Variants in FAM3C observed in about 807,000 individuals in gnomAD.
The protein encoded by FAM3C is FAM3 metabolism regulating signaling molecule C.
Under a neutral mutation model 32.5 loss-of-function variants are expected in FAM3C, and 15 were observed. That is an observed-to-expected ratio of 0.46 (90% CI 0.31 to 0.71). FAM3C has a LOEUF of 0.71. Ranked by LOEUF, FAM3C falls within the 30% of genes least tolerant of loss-of-function variation. The probability of loss-of-function intolerance (pLI) is 0.05; values close to 1 mark genes in which losing one functional copy is unlikely to be tolerated. For missense variants in FAM3C, 175 were observed against 274.4 expected, an observed-to-expected ratio of 0.64 and a Z score of 2.56; for synonymous variants, 75 against 86.1, an observed-to-expected ratio of 0.87 and a Z score of 0.72.
chr7:121,386,711 A>ATATG (rs1554376234), intron 1 of FAM3C, among the ~76,000 whole-genome samples: 1 of 146,960 alleles, frequency 6.8e-6, no homozygotes, highest in African/African-American at 2.6e-5. Context: ...ATATATATAT[A>ATATG]TGTAATTGGT....
At chr7:121,395,696 A>G (rs1478742954) in intron 1 of FAM3C, among the ~76,000 whole-genome samples, 1 of 152,156 alleles carries the variant, frequency 6.6e-6, no homozygotes, top group Non-Finnish European at 1.5e-5. Context: ...TACCTCTAGT[A>G]TAGGCGACAC....
At chr7:121,373,913 G>A (rs185996769) in intron 3 of FAM3C, among the ~76,000 whole-genome samples, 6 of 150,870 alleles carry the variant, frequency 4.0e-5, no homozygotes, top group Admixed American at 4.0e-4. Context: ...GGAGAATGGC[G>A]TGAACCCGCG....
intron 8 of FAM3C, among the ~76,000 whole-genome samples, chr7:121,358,624 A>G (rs138707535): frequency 1.3e-5 from 2 of 152,202 alleles, no homozygotes; most frequent in East Asian, 3.9e-4. Context: ...AGCCAAATCT[A>G]CATAAGAACA....
intron 1 of FAM3C, 111 bp from the exon 2 acceptor site, chr7:121,383,121 G>T: frequency 7.6e-6 from 4 of 525,610 alleles, no homozygotes; most frequent in African/African-American, 2.0e-5. Flanking sequence ...ACATTTCTAA[G>T]TATTATGCCA....
intron 8 of FAM3C, among the ~76,000 whole-genome samples, chr7:121,354,781 C>T (rs537917383): frequency 5.9e-5 from 9 of 152,138 alleles, no homozygotes; most frequent in East Asian, 1.9e-4. Context: ...ATACAAAGTT[C>T]GGATTAGAAA....
At chr7:121,391,865 C>T (rs981154718) in intron 1 of FAM3C, among the ~76,000 whole-genome samples, 6 of 152,202 alleles carry the variant, frequency 3.9e-5, no homozygotes, top group African/African-American at 1.4e-4. Flanking sequence ...GTGACATCAA[C>T]CTCACTTGAT....
At chr7:121,366,923 G>A (rs1794034795) in intron 5 of FAM3C, among the ~76,000 whole-genome samples, 2 of 152,126 alleles carry the variant, frequency 1.3e-5, no homozygotes, top group African/African-American at 4.8e-5. Flanking sequence ...ACTTTTCCAA[G>A]TAAAGATCAT....
rs184023560 is a variant in FAM3C, at chr7:121,364,955, G to C, written c.273-767C>G. 3.3e-5 allele frequency among the ~76,000 whole-genome samples: 5 copies of C among 152,202 alleles called. No homozygotes were observed. The East Asian group carries it at 9.6e-4, about 29-fold the overall frequency. On this transcript the variant is annotated intron_variant, in intron 5 of 9. Coordinates refer to ENST00000359943, the MANE Select transcript of FAM3C (RefSeq NM_014888.3). ...TCAAGGTAATAGTAATACTCCCAGT[G>C]GTGTGCTGTTAACTATTTAACAACT...
intron 2 of FAM3C, among the ~76,000 whole-genome samples, chr7:121,379,436 T>C (rs1038225258): frequency 2.1e-4 from 32 of 152,016 alleles, no homozygotes; most frequent in African/African-American, 7.3e-4. Flanking sequence ...AAGGCCACAA[T>C]GTCCACTAAG....
intron 3 of FAM3C, among the ~76,000 whole-genome samples, chr7:121,378,528 G>A (rs1042199809): frequency 6.6e-6 from 1 of 152,058 alleles, no homozygotes; most frequent in African/African-American, 2.4e-5. Context: ...GCATTACCGT[G>A]ACTCCTAATC....
chr7:121,386,320 G>A (rs1398009537), intron 1 of FAM3C, among the ~76,000 whole-genome samples: 1 of 152,004 alleles, frequency 6.6e-6, no homozygotes, highest in Non-Finnish European at 1.5e-5. Context: ...CTCAGTGCTG[G>A]ACAAATGACA....
Position 121,362,901 on chromosome 7 carries a change from T to C in FAM3C, c.378A>G (p.Gly126=). Residue 126 remains glycine, a synonymous_variant, in exon 7 of 10, where the codon GGA becomes GGG. Coordinates refer to ENST00000359943, the MANE Select transcript of FAM3C (RefSeq NM_014888.3). The part of the protein sequence containing the change: ...VLDTKYFDMW[G]GDVAPFIEFL... Reference sequence around the variant, plus strand: ...AGTCATGTTATTTATGCTTACCTCCTCCCCACATGTCAAAATATTTAGTGT... The same window carrying C: ...AGTCATGTTATTTATGCTTACCTCCCCCCCACATGTCAAAATATTTAGTGT... The C allele has an allele frequency of 6.5e-7, 1 of 1,538,978 alleles. No homozygotes were observed. Among genetic ancestry groups the C allele is most frequent in the Non-Finnish European group, 9.0e-7 (1 of 1,116,324 alleles).
chr7:121,393,277 G>A (rs1194094699), intron 1 of FAM3C, among the ~76,000 whole-genome samples: 1 of 152,038 alleles, frequency 6.6e-6, no homozygotes, highest in Non-Finnish European at 1.5e-5. Context: ...AAAATAGTAA[G>A]ATCCCGTCTT....
intron 5 of FAM3C, among the ~76,000 whole-genome samples, chr7:121,369,006 C>T (rs1487806303): frequency 2.9e-5 from 4 of 136,342 alleles, no homozygotes; most frequent in South Asian, 2.5e-4. Flanking sequence ...GACAAAGTCT[C>T]GCTCTGCCGC....
chr7:121,363,198 G>T (rs570449994), intron 6 of FAM3C, among the ~76,000 whole-genome samples: 9 of 152,150 alleles, frequency 5.9e-5, no homozygotes, highest in African/African-American at 2.2e-4. Flanking sequence ...TAAGCCGAAG[G>T]ATAAATAGAA....
rs973036257 is a variant in FAM3C, at chr7:121,396,230, G to A, written c.-110C>T. ...CCTCCCAGCGCTCAGTCCTGCCGGA[G>A]GCCGACGGGAGCCGCCGCCTCCAGC... On this transcript the variant is annotated 5_prime_UTR_variant, in exon 1 of 10. Transcript: ENST00000359943. 1 of 152,312 alleles carries A rather than the reference G, an allele frequency of 6.6e-6. No individual in the cohort carries two copies. Among genetic ancestry groups the A allele is most frequent in the African/African-American group, 2.4e-5 (1 of 41,440 alleles). The allele number at this position is 152,312 out of a possible 1,614,324, so 9.4% of individuals were successfully genotyped here.
intron 1 of FAM3C, among the ~76,000 whole-genome samples, chr7:121,389,964 C>T (rs1443308265): frequency 6.6e-6 from 1 of 152,124 alleles, no homozygotes; most frequent in Non-Finnish European, 1.5e-5. Context: ...CCCCCATATA[C>T]ACCTAAGTTG....
intron 7 of FAM3C, 90 bp from the exon 8 acceptor site, chr7:121,360,217 A>G (rs1793892267): frequency 1.4e-6 from 1 of 720,212 alleles, no homozygotes; most frequent in African/African-American, 1.8e-5. Context: ...AACATGAAGT[A>G]TCTGTAAAGC....
At position 121,362,592 on chromosome 7, in the gene FAM3C, A is replaced by G. The variant is rs1490115858; in HGVS notation, c.382+305T>C. The G allele has an allele frequency of 9.7e-6, 3 of 309,522 alleles. No homozygotes were observed. In the East Asian group the frequency reaches 2.3e-4, roughly 24 times the overall value. The allele number at this position is 309,522 out of a possible 1,614,324, so 19.2% of individuals were successfully genotyped here. On this transcript the variant is annotated intron_variant, in intron 7 of 9. Coordinates refer to ENST00000359943, the MANE Select transcript of FAM3C (RefSeq NM_014888.3). ...TTTTTTTTAAATTTTAGACACACTT[A>G]AAGGAGCCCAAAACTTTTGAATTGG...
Sources: allele counts gnomAD v4.1 joint callset (sites outside exome capture counted in the v4.1 genomes callset), GRCh38; gene constraint gnomAD v4.1.1; transcripts MANE v1.5; gene names NCBI Gene and HGNC (gene_info 2026-07-23, HGNC 2026-07-21).